LEKR1: variants seen among roughly 807,000 people sequenced by gnomAD.
The protein encoded by LEKR1 is leucine, glutamate and lysine rich 1, also known as protein LEKR1.
A neutral mutation model predicts 72.4 loss-of-function variants in LEKR1; 59 were observed. The observed-to-expected ratio is 0.82, with a 90% CI of 0.66 to 1.01. The LOEUF is 1.01. Ranked by LOEUF, LEKR1 falls within the 50% of genes least tolerant of loss-of-function variation. The pLI is 0.00. For synonymous variants in LEKR1, 257 were observed against 263.2 expected (o/e 0.98, Z 0.23); for missense variants, 728 against 759.2 (o/e 0.96, Z 0.48).
chr3:156,908,605 T>G (rs944786629), intron 3 of LEKR1, among the ~76,000 whole-genome samples: 4 of 152,190 alleles, frequency 2.6e-5, no homozygotes, highest in African/African-American at 4.8e-5. Flanking sequence ...TGAGCTCTTC[T>G]TTACTTTCTG....
intron 6 of LEKR1, among the ~76,000 whole-genome samples, chr3:156,960,595 G>A (rs1576902416): frequency 2.0e-5 from 3 of 151,970 alleles, no homozygotes; most frequent in Admixed American, 6.6e-5. Context: ...CCAAGCATAC[G>A]GTTTTTATGA....
intron 10 of LEKR1, among the ~76,000 whole-genome samples, chr3:157,019,672 T>G (rs1037133556): frequency 3.3e-5 from 5 of 152,208 alleles, no homozygotes; most frequent in African/African-American, 1.2e-4. Flanking sequence ...AATTTATTTA[T>G]TTTGCTCAAA....
intron 5 of LEKR1, among the ~76,000 whole-genome samples, chr3:156,934,513 G>T (rs1230139664): frequency 3.9e-5 from 6 of 152,072 alleles, no homozygotes; most frequent in Admixed American, 3.9e-4. Flanking sequence ...TTTAATGTAG[G>T]CTATTATCAG....
intron 3 of LEKR1, among the ~76,000 whole-genome samples, chr3:156,886,706 G>A (rs1343738686): frequency 2.0e-5 from 3 of 152,102 alleles, no homozygotes; most frequent in Admixed American, 2.0e-4. Flanking sequence ...CCCATGACCT[G>A]GATTTTCAGA....
chr3:156,987,906 C>A (rs183070114), intron 7 of LEKR1, among the ~76,000 whole-genome samples: 2 of 152,126 alleles, frequency 1.3e-5, no homozygotes, highest in Non-Finnish European at 2.9e-5. Flanking sequence ...TTAAAAACAA[C>A]GAATTGTTGA....
At chr3:156,937,434 A>T (rs1725820797) in intron 5 of LEKR1, among the ~76,000 whole-genome samples, 1 of 152,228 alleles carries the variant, frequency 6.6e-6, no homozygotes, top group African/African-American at 2.4e-5. Context: ...GTTCAACATC[A>T]TTAGCCATGA....
intron 3 of LEKR1, among the ~76,000 whole-genome samples, chr3:156,865,088 A>G (rs2108543806): frequency 6.6e-6 from 1 of 152,104 alleles, no homozygotes; most frequent in East Asian, 1.9e-4. Flanking sequence ...CTGTATCACA[A>G]GCTTTAATGT....
At chr3:156,865,853 C>G (rs896691274) in intron 3 of LEKR1, among the ~76,000 whole-genome samples, 7 of 151,982 alleles carry the variant, frequency 4.6e-5, no homozygotes, top group Admixed American at 1.3e-4. Flanking sequence ...TTTGCTACCT[C>G]TTTCTGCTAA....
At chr3:156,899,649 T>C (rs1480371470) in intron 3 of LEKR1, among the ~76,000 whole-genome samples, 1 of 139,642 alleles carries the variant, frequency 7.2e-6, no homozygotes, top group South Asian at 2.2e-4. Context: ...TATATACACA[T>C]ATATACACGC....
intron 3 of LEKR1, among the ~76,000 whole-genome samples, chr3:156,881,236 T>C (rs1719297057): frequency 6.6e-6 from 1 of 152,110 alleles, no homozygotes; most frequent in Non-Finnish European, 1.5e-5. Flanking sequence ...GACATGATTG[T>C]ATATCTAGAA....
intron 3 of LEKR1, among the ~76,000 whole-genome samples, chr3:156,855,109 T>C (rs1435367606): frequency 2.6e-5 from 4 of 152,218 alleles, no homozygotes; most frequent in Non-Finnish European, 5.9e-5. Context: ...TGTTATTACA[T>C]GTAGTATTTG....
At chr3:156,864,829 T>C (rs1052144000) in intron 3 of LEKR1, among the ~76,000 whole-genome samples, 1 of 152,046 alleles carries the variant, frequency 6.6e-6, no homozygotes, top group Non-Finnish European at 1.5e-5. Flanking sequence ...CTATTGCTTT[T>C]TATTGTCCTT....
intron 6 of LEKR1, among the ~76,000 whole-genome samples, chr3:156,953,031 A>G (rs1727305074): frequency 6.6e-6 from 1 of 151,504 alleles, no homozygotes; most frequent in Non-Finnish European, 1.5e-5. Flanking sequence ...ATATATGTGT[A>G]TTATTATTTA....
intron 6 of LEKR1, among the ~76,000 whole-genome samples, chr3:156,956,532 TATA>T (rs1194486147): frequency 6.6e-6 from 1 of 151,922 alleles, no homozygotes; most frequent in Non-Finnish European, 1.5e-5. Flanking sequence ...AGCAAAATTA[TATA>T]ATAAGTGCTA....
At chr3:156,890,955 G>A (rs959793223) in intron 3 of LEKR1, among the ~76,000 whole-genome samples, 2 of 151,366 alleles carry the variant, frequency 1.3e-5, no homozygotes, top group African/African-American at 4.9e-5. Flanking sequence ...TGCCTCCTGG[G>A]TTCAAGTGAT....
chr3:156,976,521 ATATT>A (rs1729709489), intron 6 of LEKR1, among the ~76,000 whole-genome samples: 2 of 152,036 alleles, frequency 1.3e-5, no homozygotes, highest in African/African-American at 4.8e-5. Context: ...ACTATAATAT[ATATT>A]TAAGCTTTCT....
rs1336376390 is a variant in LEKR1 at position 157,011,423 on chromosome 3, C to A, written c.1120C>A (p.Leu374Met). 1 of 1,611,862 alleles carries A rather than the reference C, an allele frequency of 6.2e-7. No homozygotes were observed. The highest frequency in any genetic ancestry group is 8.5e-7 in the Non-Finnish European group (1 of 1,178,342). Residue 374 changes from leucine to methionine, a missense_variant, in exon 10 of 13, where the codon CTG (leucine) becomes ATG (methionine). By Grantham distance (15) the Leu-to-Met change is conservative. Coordinates refer to ENST00000356539, the MANE Select transcript of LEKR1 (RefSeq NM_001004316.3). ...LTLKNERELM[L>M]ISHQKSIEQL... is the part of the protein sequence containing the mutation. ...GTTTGTGATTTTCAGGGAATTGATG[C>A]TGATTTCACATCAGAAAAGCATCGA... is the stretch of plus-strand genomic sequence containing the variant.
intron 5 of LEKR1, among the ~76,000 whole-genome samples, chr3:156,934,851 A>G (rs1445016161): frequency 1.3e-5 from 2 of 152,280 alleles, no homozygotes; most frequent in East Asian, 1.9e-4. Flanking sequence ...TCATGAAAAT[A>G]TAGTCATGCC....
intron 7 of LEKR1, among the ~76,000 whole-genome samples, chr3:156,987,929 G>A (rs1730839357): frequency 6.6e-6 from 1 of 152,178 alleles, no homozygotes; most frequent in East Asian, 1.9e-4. Flanking sequence ...CAATCTGGGA[G>A]ATCTACTGAG....
Sources: gnomAD v4.1 joint callset for allele counts (sites outside exome capture counted in the v4.1 genomes callset) on GRCh38, gnomAD v4.1.1 for gene constraint, MANE v1.5 for transcripts, NCBI Gene and HGNC (gene_info 2026-07-23, HGNC 2026-07-21) for gene names.